The following ZNF131 variants were observed in gnomAD, a reference collection of about 807,000 sequenced individuals.
ZNF131 encodes the protein zinc finger protein 131.
A neutral mutation model predicts 60.0 loss-of-function variants in ZNF131; 7 were observed. The observed-to-expected ratio is 0.12, with a 90% CI of 0.07 to 0.22. The LOEUF is 0.22. ZNF131 is among the 10% of genes least tolerant of loss of function. ZNF131 has a pLI of 1.00. For synonymous variants in ZNF131, 257 were observed against 253.2 expected (o/e 1.01, Z -0.14); for missense variants, 493 against 740.9 (o/e 0.67, Z 3.88).
chr5:43,121,989 T>C (rs767666296), intron 1 of ZNF131, 50 bp from the exon 2 acceptor site: 1 of 1,577,558 alleles, frequency 6.3e-7, no homozygotes, highest in South Asian at 1.1e-5. Flanking sequence ...AGGGGTTTTG[T>C]TCCTCGGCTC....
chr5:43,152,377 C>A (rs375910492), intron 4 of ZNF131, among the ~76,000 whole-genome samples: 2 of 152,170 alleles, frequency 1.3e-5, no homozygotes, highest in Non-Finnish European at 2.9e-5. Flanking sequence ...ATGGACTGAT[C>A]TCAGCTATGA....
intron 4 of ZNF131, among the ~76,000 whole-genome samples, chr5:43,158,951 A>G (rs1749301914): frequency 6.6e-6 from 1 of 151,860 alleles, no homozygotes; most frequent in African/African-American, 2.4e-5. Flanking sequence ...CCACAGTGTC[A>G]TGGATGCTGG....
At chr5:43,152,885 T>C (rs897862549) in intron 4 of ZNF131, among the ~76,000 whole-genome samples, 5 of 152,106 alleles carry the variant, frequency 3.3e-5, no homozygotes, top group Middle Eastern at 6.8e-3. Flanking sequence ...GCTGGTATTA[T>C]AGGTGTGAGC....
At chr5:43,163,890 A>C (rs1315087361) in intron 5 of ZNF131, among the ~76,000 whole-genome samples, 4 of 152,228 alleles carry the variant, frequency 2.6e-5, no homozygotes, top group African/African-American at 9.6e-5. Context: ...CAGTTGGTAT[A>C]CATCACTTGA....
At chr5:43,128,948 T>C (rs1744951751) in intron 3 of ZNF131, among the ~76,000 whole-genome samples, 1 of 152,110 alleles carries the variant, frequency 6.6e-6, no homozygotes, top group Admixed American at 6.5e-5. Context: ...ATTACTATTT[T>C]TGAGACGGAG....
chr5:43,128,673 AAAAAC>A (rs1744895450), intron 3 of ZNF131, among the ~76,000 whole-genome samples: 2 of 151,130 alleles, frequency 1.3e-5, no homozygotes, highest in African/African-American at 4.9e-5. Flanking sequence ...AAAAAAAAAA[AAAAAC>A]ACACCTGGGG....
chr5:43,125,275 A>T (rs1347856224), intron 3 of ZNF131, among the ~76,000 whole-genome samples: 1 of 151,812 alleles, frequency 6.6e-6, no homozygotes, highest in East Asian at 2.0e-4. Context: ...GATTTCAAAG[A>T]GGAGTTTTGA....
Position 43,142,957 on chromosome 5 carries a change from A to G in ZNF131, c.371+3648A>G, listed in dbSNP as rs756660059. Among the ~76,000 whole-genome samples the G allele has an allele frequency of 6.6e-5, 10 of 152,070 alleles. No homozygotes were observed. In the East Asian group the frequency reaches 7.7e-4, roughly 12 times the overall value. ...GAGACGTGGCCACCTCAGCCTCTCAAAGTGCCGGGATTGCAGGCATAAGCC... is the reference window on the plus strand; with the variant it reads ...GAGACGTGGCCACCTCAGCCTCTCAGAGTGCCGGGATTGCAGGCATAAGCC... On this transcript the variant is annotated intron_variant, in intron 4 of 6. Coordinates refer to ENST00000682664, the MANE Select transcript of ZNF131 (RefSeq NM_001330707.2).
At chr5:43,162,193 T>C (rs1749763587) in intron 5 of ZNF131, among the ~76,000 whole-genome samples, 1 of 152,248 alleles carries the variant, frequency 6.6e-6, no homozygotes, top group Non-Finnish European at 1.5e-5. Flanking sequence ...GAAAATAGTT[T>C]GTGACTTATT....
chr5:43,153,986 A>G (rs1241611988), intron 4 of ZNF131, among the ~76,000 whole-genome samples: 1 of 152,206 alleles, frequency 6.6e-6, no homozygotes, highest in Admixed American at 6.5e-5. Flanking sequence ...TGTGTATGTG[A>G]TAAAGCTGAA....
At chr5:43,145,727 G>A (rs188977114) in intron 4 of ZNF131, among the ~76,000 whole-genome samples, 79 of 152,122 alleles carry the variant, frequency 5.2e-4, no homozygotes, top group Non-Finnish European at 7.5e-4. Flanking sequence ...AAAGGAAACC[G>A]TACTTTTTCA....
At chr5:43,164,374 C>A (rs535396766) in intron 5 of ZNF131, among the ~76,000 whole-genome samples, 154 of 152,262 alleles carry the variant, frequency 1.0e-3, no homozygotes, top group Middle Eastern at 6.8e-3. Context: ...TGGAAACTGC[C>A]TACAGTTACA....
At chr5:43,135,060 G>A (rs1263863016) in intron 3 of ZNF131, among the ~76,000 whole-genome samples, 5 of 147,958 alleles carry the variant, frequency 3.4e-5, no homozygotes, top group African/African-American at 5.0e-5. Flanking sequence ...GTGCAATGGC[G>A]CAATCTCGGC....
intron 3 of ZNF131, among the ~76,000 whole-genome samples, chr5:43,130,650 C>T (rs1179659422): frequency 7.9e-5 from 12 of 151,382 alleles, no homozygotes; most frequent in Admixed American, 3.3e-4. Flanking sequence ...CCGCAACCTC[C>T]GCCTCCCGGG....
chr5:43,139,706 G>A (rs1281050346), intron 4 of ZNF131, among the ~76,000 whole-genome samples: 2 of 152,048 alleles, frequency 1.3e-5, no homozygotes, highest in East Asian at 1.9e-4. Context: ...TAAATAAATT[G>A]GTTTAATAAG....
intron 4 of ZNF131, among the ~76,000 whole-genome samples, chr5:43,154,137 C>T (rs1028213214): frequency 2.0e-5 from 3 of 151,948 alleles, no homozygotes; most frequent in Non-Finnish European, 4.4e-5. Flanking sequence ...CATGGTGGGG[C>T]GGGGTGGCTC....
intron 5 of ZNF131, among the ~76,000 whole-genome samples, chr5:43,163,878 G>A (rs1440923000): frequency 6.6e-6 from 1 of 152,178 alleles, no homozygotes; most frequent in Non-Finnish European, 1.5e-5. Context: ...GTTTGTCACT[G>A]TCAGTTGGTA....
chr5:43,142,685 T>G (rs2112283557), intron 4 of ZNF131, among the ~76,000 whole-genome samples: 1 of 150,332 alleles, frequency 6.7e-6, no homozygotes, highest in South Asian at 2.2e-4. Flanking sequence ...CAGACATGAT[T>G]TGTTTGGGTT....
intron 2 of ZNF131, 57 bp downstream of exon 2, chr5:43,122,234 T>G (rs1743948542): frequency 1.3e-6 from 2 of 1,534,144 alleles, no homozygotes; most frequent in African/African-American, 2.8e-5. Context: ...TTTCTGTCCT[T>G]CGGACACCCG....
Sources: allele counts gnomAD v4.1 joint callset (sites outside exome capture counted in the v4.1 genomes callset), GRCh38; gene constraint gnomAD v4.1.1; transcripts MANE v1.5; gene names NCBI Gene and HGNC (gene_info 2026-07-23, HGNC 2026-07-21).